NFIB: variants seen among roughly 807,000 people sequenced by gnomAD.
NFIB encodes nuclear factor I B, also known as nuclear factor 1 B-type.
NFIB carries 11 observed loss-of-function variants against 61.5 expected under a neutral mutation model. The observed-to-expected ratio is 0.18, with a 90% CI of 0.11 to 0.30. The LOEUF (loss-of-function observed/expected upper bound fraction) is 0.30. Ranked by LOEUF, NFIB falls within the 10% of genes least tolerant of loss-of-function variation. The pLI is 1.00. For missense variants in NFIB, 471 were observed against 608.9 expected (o/e 0.77, Z 2.38); for synonymous variants, 260 against 216.5 (o/e 1.20, Z -1.76).
chr9:14,414,693 G>C, the NFIB span, among the ~76,000 whole-genome samples: 2 of 151,906 alleles, frequency 1.3e-5, no homozygotes, highest in Non-Finnish European at 2.9e-5. Flanking sequence ...AATGTGCTCA[G>C]TAAATGACAA....
intron 2 of NFIB, among the ~76,000 whole-genome samples, chr9:14,184,200 T>C (rs2047101944): frequency 6.6e-6 from 1 of 152,224 alleles, no homozygotes; most frequent in South Asian, 2.1e-4. Flanking sequence ...TAGCAACTAT[T>C]AAAACTTATG....
At chr9:14,524,524 A>G in the NFIB span, among the ~76,000 whole-genome samples, 1 of 152,204 alleles carries the variant, frequency 6.6e-6, no homozygotes, top group Admixed American at 6.5e-5. Context: ...GGTACAAGCT[A>G]AGGTGCAAAC....
At chr9:14,495,446 C>CTTTTTTTTTTTTTTTTTTTTTTT in the NFIB span, among the ~76,000 whole-genome samples, 8 of 117,264 alleles carry the variant, frequency 6.8e-5, 1 homozygote, top group African/African-American at 3.0e-4. Flanking sequence ...GAGAAATGAA[C>CTTTTTTTTTTTTTTTTTTTTTTT]TTTTTTTTTT....
the NFIB span, among the ~76,000 whole-genome samples, chr9:14,499,744 C>T: frequency 6.6e-6 from 1 of 152,170 alleles, no homozygotes; most frequent in African/African-American, 2.4e-5. Context: ...TGCCTTCCAA[C>T]TAACTGCATT....
intron 2 of NFIB, among the ~76,000 whole-genome samples, chr9:14,199,200 C>T (rs1301856381): frequency 1.3e-5 from 2 of 152,192 alleles, no homozygotes; most frequent in African/African-American, 4.8e-5. Context: ...GGTTACTTGA[C>T]CTTTCTGAAG....
chr9:14,277,251 A>C (rs2058061565), intron 2 of NFIB, among the ~76,000 whole-genome samples: 1 of 152,166 alleles, frequency 6.6e-6, no homozygotes, highest in Non-Finnish European at 1.5e-5. Context: ...CCTCCAAACA[A>C]GTGTAATACA....
At chr9:14,287,205 G>T (rs1465049960) in intron 2 of NFIB, among the ~76,000 whole-genome samples, 1 of 151,040 alleles carries the variant, frequency 6.6e-6, no homozygotes, top group Admixed American at 6.6e-5. Flanking sequence ...GCCGAGGCGG[G>T]CGGATCACGA....
the NFIB span, among the ~76,000 whole-genome samples, chr9:14,518,268 T>G: frequency 6.6e-6 from 1 of 152,280 alleles, no homozygotes; most frequent in Non-Finnish European, 1.5e-5. Flanking sequence ...TGGGGCAAAG[T>G]AGGCAATAGA....
At chr9:14,407,231 T>C in the NFIB span, among the ~76,000 whole-genome samples, 1 of 152,238 alleles carries the variant, frequency 6.6e-6, no homozygotes, top group East Asian at 1.9e-4. Flanking sequence ...TAACTAAATA[T>C]TCTGCAAATA....
At chr9:14,452,687 G>C in the NFIB span, among the ~76,000 whole-genome samples, 1 of 152,174 alleles carries the variant, frequency 6.6e-6, no homozygotes, top group Non-Finnish European at 1.5e-5. Context: ...TGCTCCTGAA[G>C]AGGAGTCCCA....
chr9:14,301,429 A>G (rs1240618098), intron 2 of NFIB, among the ~76,000 whole-genome samples: 1 of 152,226 alleles, frequency 6.6e-6, no homozygotes, highest in East Asian at 1.9e-4. Context: ...GTAGTGCTGT[A>G]TATACAGGGT....
Position 14,124,930 on chromosome 9 carries a change from T to C in NFIB, c.1060+702A>G, listed in dbSNP as rs78392102. Reference sequence around the variant, plus strand: ...ATTGATTTATATGTAGAAAATAACATCTACAGAAATAGTGCCTTACGTCTT... The same window carrying C: ...ATTGATTTATATGTAGAAAATAACACCTACAGAAATAGTGCCTTACGTCTT... On this transcript the variant is annotated intron_variant, in intron 7 of 10. Transcript: ENST00000380953. 7.9e-3 allele frequency among the ~76,000 whole-genome samples: 1,200 copies of C among 152,280 alleles called. 19 individuals are homozygous for C. The highest frequency in any genetic ancestry group is 0.026 in the African/African-American group (1,095 of 41,564).
the NFIB span, among the ~76,000 whole-genome samples, chr9:14,521,601 C>G: frequency 6.9e-6 from 1 of 145,354 alleles, no homozygotes; most frequent in African/African-American, 2.5e-5. Context: ...CATCGGAGTT[C>G]TTTGTGGATG....
At chr9:14,332,333 A>C (rs1405080046) in intron 1 of NFIB, among the ~76,000 whole-genome samples, 1 of 127,960 alleles carries the variant, frequency 7.8e-6, no homozygotes, top group African/African-American at 3.3e-5. Context: ...ACTCCGTCAA[A>C]AAAAAAAAAA....
intron 2 of NFIB, among the ~76,000 whole-genome samples, chr9:14,220,846 CA>C (rs1587711633): frequency 3.1e-5 from 3 of 97,538 alleles, no homozygotes; most frequent in East Asian, 9.2e-4. Flanking sequence ...TCTCCCTACA[CA>C]CACACACACA....
At chr9:14,339,950 G>A (rs1402538193) in intron 1 of NFIB, among the ~76,000 whole-genome samples, 1 of 152,182 alleles carries the variant, frequency 6.6e-6, no homozygotes, top group Non-Finnish European at 1.5e-5. Flanking sequence ...AAGCTTATGG[G>A]TTTCTAAGAA....
At chr9:14,385,554 T>G (rs1268686390) in intron 1 of NFIB, among the ~76,000 whole-genome samples, 1 of 152,188 alleles carries the variant, frequency 6.6e-6, no homozygotes, top group Non-Finnish European at 1.5e-5. Flanking sequence ...TATGTTAATA[T>G]GAATAACACA....
At chr9:14,387,044 C>T (rs1283003090) in intron 1 of NFIB, among the ~76,000 whole-genome samples, 2 of 152,160 alleles carry the variant, frequency 1.3e-5, no homozygotes, top group Non-Finnish European at 2.9e-5. Flanking sequence ...ACTAGGGTTC[C>T]ACACAGCAAA....
chr9:14,413,040 G>A, the NFIB span, among the ~76,000 whole-genome samples: 1 of 152,092 alleles, frequency 6.6e-6, no homozygotes, highest in African/African-American at 2.4e-5. Context: ...TCTCTAACTG[G>A]AAGAATATAT....
Sources: gnomAD v4.1 joint callset for allele counts (sites outside exome capture counted in the v4.1 genomes callset) on GRCh38, gnomAD v4.1.1 for gene constraint, MANE v1.5 for transcripts, NCBI Gene and HGNC (gene_info 2026-07-23, HGNC 2026-07-21) for gene names.